The following FAM89B variants were observed in gnomAD, a reference collection of about 807,000 sequenced individuals.
FAM89B encodes leucine repeat adapter protein 25.
In FAM89B, 9 loss-of-function variants were observed where a neutral mutation model predicts 13.4. That is an observed-to-expected ratio of 0.67 (90% confidence interval 0.40 to 1.17). The LOEUF (loss-of-function observed/expected upper bound fraction) is 1.17, where lower values mean the gene tolerates loss of function less well. Ranked by LOEUF, FAM89B falls within the 50% of genes most tolerant of loss-of-function variation. FAM89B has a pLI of 0.01. For missense variants in FAM89B, 256 were observed against 256.1 expected, an observed-to-expected ratio of 1.00 and a Z score of 0.00; for synonymous variants, 138 against 121.2, an observed-to-expected ratio of 1.14 and a Z score of -0.91.
In FAM89B at chr11:65,573,938, C is replaced by A; in HGVS notation, c.*297C>A. 1 of 341,166 alleles carries A rather than the reference C, an allele frequency of 2.9e-6. No homozygotes were observed. Among genetic ancestry groups the A allele is most frequent in the Non-Finnish European group, 5.4e-6 (1 of 185,204 alleles). 21.1% of individuals were successfully genotyped at this position (341,166 alleles called of 1,614,324 possible). ...AGCCTTGCGGTGGGGCCCGAAGCAT[C>A]TTCCCTTCCGCTTGGCGTCTCTGGG... is the stretch of plus-strand genomic sequence containing the variant. On this transcript the variant is annotated 3_prime_UTR_variant, in exon 2 of 2. Coordinates refer to ENST00000530349, the MANE Select transcript of FAM89B (RefSeq NM_001098785.2).
chr11:65,573,793 ACT>A lies in FAM89B; in HGVS notation c.*155_*156del. On this transcript the variant is annotated 3_prime_UTR_variant, in exon 2 of 2. Coordinates refer to ENST00000530349, the MANE Select transcript of FAM89B (RefSeq NM_001098785.2). The stretch of plus-strand genomic sequence containing the variant: ...TATTCCTCAGAGGCGAAACTGCCAA[ACT>A]CTTTCTCCTGTCTTGGGTTGGCTGG... 2.1e-6 allele frequency: 2 copies of A among 946,674 alleles called. No homozygotes were observed. The highest frequency in any genetic ancestry group is 3.0e-6 in the Non-Finnish European group (2 of 656,396). The allele number at this position is 946,674 out of a possible 1,614,324, so 58.6% of individuals were successfully genotyped here. A position where few individuals can be genotyped will look rare whatever the true frequency, so the allele number is the denominator to read the frequency against.
At position 65,572,591 on chromosome 11, in the gene FAM89B, G is replaced by C; in HGVS notation, c.-79G>C. ...GGCTGGGCTCCGGCGGGGCCGCGGG[G>C]TGCGGGGCCTGCGGGCGGCGGCCCG... On this transcript the variant is annotated 5_prime_UTR_variant, in exon 1 of 2. Coordinates refer to ENST00000530349, the MANE Select transcript of FAM89B (RefSeq NM_001098785.2). 3.2e-6 allele frequency: 4 copies of C among 1,261,210 alleles called. No homozygotes were observed. Among genetic ancestry groups the C allele is most frequent in the Non-Finnish European group, 4.0e-6 (4 of 1,006,604 alleles). The allele number at this position is 1,261,210 out of a possible 1,614,324, so 78.1% of individuals were successfully genotyped here.
Position 65,573,790 on chromosome 11 carries a change from CAA to C in FAM89B, c.*151_*152del. Reference sequence around the variant, plus strand: ...ATGTATTCCTCAGAGGCGAAACTGCCAAACTCTTTCTCCTGTCTTGGGTTGGC... The same window carrying C: ...ATGTATTCCTCAGAGGCGAAACTGCCACTCTTTCTCCTGTCTTGGGTTGGC... On this transcript the variant is annotated 3_prime_UTR_variant, in exon 2 of 2. Transcript: ENST00000530349. 1.0e-6 allele frequency: 1 copy of C among 958,912 alleles called. No individual in the cohort carries two copies. The highest frequency in any genetic ancestry group is 2.7e-5 in the East Asian group (1 of 37,220). 59.4% of individuals were successfully genotyped at this position (958,912 alleles called of 1,614,324 possible).
Position 65,573,713 on chromosome 11 carries a change from T to G in FAM89B, c.*72T>G. ...CTCCCCCTCCGGCAAGCCCTCAGAC[T>G]TCGGAGCCTGCGCCTTCCCCCCTAC... On this transcript the variant is annotated 3_prime_UTR_variant, in exon 2 of 2. Coordinates refer to ENST00000530349, the MANE Select transcript of FAM89B (RefSeq NM_001098785.2). 6.6e-7 allele frequency: 1 copy of G among 1,504,934 alleles called. No individual in the cohort carries two copies. The highest frequency in any genetic ancestry group is 8.9e-7 in the Non-Finnish European group (1 of 1,126,268). 93.2% of individuals were successfully genotyped at this position (1,504,934 alleles called of 1,614,324 possible). A position where few individuals can be genotyped will look rare whatever the true frequency, so the allele number is the denominator to read the frequency against.
At position 65,573,584 on chromosome 11, in the gene FAM89B, C is replaced by T; in HGVS notation, c.513C>T (p.Pro171=). 1 of 1,613,134 alleles carries T rather than the reference C, an allele frequency of 6.2e-7. No individual in the cohort carries two copies. Among genetic ancestry groups the T allele is most frequent in the Non-Finnish European group, 8.5e-7 (1 of 1,179,974 alleles). ...LPPDPPPLTV[P]QTHNARDQWL... is the part of the protein sequence containing the mutation. Reference sequence around the variant, plus strand: ...CTGACCCGCCACCCCTTACTGTGCCCCAGACGCACAATGCCCGTGACCAGT... The same window carrying T: ...CTGACCCGCCACCCCTTACTGTGCCTCAGACGCACAATGCCCGTGACCAGT... The change falls in exon 2 of 2, where the codon CCC becomes CCT. Residue 171 remains proline, a synonymous_variant. Coordinates refer to ENST00000530349, the MANE Select transcript of FAM89B (RefSeq NM_001098785.2).
rs1857172883 is a variant in FAM89B, at chr11:65,573,689, T to TC, written c.*53dup. 5 of 1,528,244 alleles carry TC rather than the reference T, an allele frequency of 3.3e-6. No homozygotes were observed. Among genetic ancestry groups the TC allele is most frequent in the Non-Finnish European group, 4.4e-6 (5 of 1,140,526 alleles). 94.7% of individuals were successfully genotyped at this position (1,528,244 alleles called of 1,614,324 possible). A position where few individuals can be genotyped will look rare whatever the true frequency, so the allele number is the denominator to read the frequency against. ...GCACCCATGCAAAAGGCTCAGAAAC[T>TC]CCCCCTCCGGCAAGCCCTCAGACTT... On this transcript the variant is annotated 3_prime_UTR_variant, in exon 2 of 2. Coordinates refer to ENST00000530349, the MANE Select transcript of FAM89B (RefSeq NM_001098785.2).
rs1486023885 is a variant in FAM89B, at chr11:65,573,862, C to T, written c.*221C>T. 3.6e-6 allele frequency: 2 copies of T among 549,848 alleles called. No individual in the cohort carries two copies. The highest frequency in any genetic ancestry group is 6.3e-6 in the Non-Finnish European group (2 of 317,882). The allele number at this position is 549,848 out of a possible 1,614,324, so 34.1% of individuals were successfully genotyped here. ...TAGGGTACAGCCTCTGCTCATGGCA[C>T]TGGGCCTCCAGTTCTTCCACATGTG... On this transcript the variant is annotated 3_prime_UTR_variant, in exon 2 of 2. Coordinates refer to ENST00000530349, the MANE Select transcript of FAM89B (RefSeq NM_001098785.2).
Position 65,573,708 on chromosome 11 carries a change from C to T in FAM89B, c.*67C>T, listed in dbSNP as rs1290812945. Reference sequence around the variant, plus strand: ...AGAAACTCCCCCTCCGGCAAGCCCTCAGACTTCGGAGCCTGCGCCTTCCCC... The same window carrying T: ...AGAAACTCCCCCTCCGGCAAGCCCTTAGACTTCGGAGCCTGCGCCTTCCCC... On this transcript the variant is annotated 3_prime_UTR_variant, in exon 2 of 2. Transcript: ENST00000530349. 22 of 1,516,450 alleles carry T rather than the reference C, an allele frequency of 1.5e-5. No homozygotes were observed. The highest frequency in any genetic ancestry group is 1.8e-5 in the Non-Finnish European group (20 of 1,132,820). 93.9% of individuals were successfully genotyped at this position (1,516,450 alleles called of 1,614,324 possible).
intron 1 of FAM89B, 41 bp downstream of exon 1, chr11:65,573,001 C>T (rs1338872904): frequency 8.2e-7 from 1 of 1,223,114 alleles, no homozygotes; most frequent in Non-Finnish European, 1.0e-6. Flanking sequence ...GGGGGGCTGA[C>T]GCGGAGGAAC....
At position 65,572,937 on chromosome 11, in the gene FAM89B, C is replaced by T; in HGVS notation, c.268C>T (p.Leu90=). 14 of 1,222,016 alleles carry T rather than the reference C, an allele frequency of 1.1e-5. No homozygotes were observed. The highest frequency in any genetic ancestry group is 1.3e-5 in the Non-Finnish European group (13 of 982,500). The allele number at this position is 1,222,016 out of a possible 1,614,324, so 75.7% of individuals were successfully genotyped here. ...PRRPVNLDSA[L]AALRKEMVGL... is the part of the protein sequence containing the mutation. Reference sequence around the variant, plus strand: ...TCGTCCTGTCAACCTCGACTCAGCGCTGGCCGCGCTGCGCAAGGAGATGGT... The same window carrying T: ...TCGTCCTGTCAACCTCGACTCAGCGTTGGCCGCGCTGCGCAAGGAGATGGT... Residue 90 remains leucine (L), a synonymous_variant, in exon 1 of 2, where the codon CTG becomes TTG. Coordinates refer to ENST00000530349, the MANE Select transcript of FAM89B (RefSeq NM_001098785.2).
rs1001877977 is a variant in FAM89B, at chr11:65,573,746, C to G, written c.*105C>G. The G allele has an allele frequency of 1.5e-6, 2 of 1,344,922 alleles. No homozygotes were observed. The highest frequency in any genetic ancestry group is 1.5e-5 in the African/African-American group (1 of 68,534). The allele number at this position is 1,344,922 out of a possible 1,614,324, so 83.3% of individuals were successfully genotyped here. On this transcript the variant is annotated 3_prime_UTR_variant, in exon 2 of 2. Transcript: ENST00000530349. ...CTGCGCCTTCCCCCCTACCGCCTCA[C>G]CTCACAGGAGGGCCAGGCATGTATT...
In FAM89B at chr11:65,572,905, G is replaced by A. The variant is rs1857158705; in HGVS notation, c.236G>A (p.Gly79Asp). 8.2e-7 allele frequency: 1 copy of A among 1,216,680 alleles called. No homozygotes were observed. The highest frequency in any genetic ancestry group is 1.0e-6 in the Non-Finnish European group (1 of 981,004). 75.4% of individuals were successfully genotyped at this position (1,216,680 alleles called of 1,614,324 possible). A position where few individuals can be genotyped will look rare whatever the true frequency, so the allele number is the denominator to read the frequency against. ...AGAANAGPAA[G>D]PRRPVNLDSA... ...GCCGCCAACGCGGGACCCGCAGCCG[G>A]CCCGCGTCGTCCTGTCAACCTCGAC... is the stretch of plus-strand genomic sequence containing the variant. The change falls in exon 1 of 2, where the codon GGC becomes GAC. Residue 79 changes from glycine (G) to aspartate (D), a missense_variant. Physicochemically the swap from Gly to Asp is moderately conservative, Grantham distance 94. Coordinates refer to ENST00000530349, the MANE Select transcript of FAM89B (RefSeq NM_001098785.2).
At chr11:65,573,308 G>A (rs1319645070) in intron 1 of FAM89B, 55 bp from the exon 2 acceptor site, 1 of 1,476,918 alleles carries the variant, frequency 6.8e-7, no homozygotes, top group Non-Finnish European at 9.0e-7. Flanking sequence ...CAGGGGGCGG[G>A]GCTGGGCTGG....
intron 1 of FAM89B, 36 bp downstream of exon 1, chr11:65,572,996 G>C (rs1260387099): frequency 8.2e-7 from 1 of 1,225,842 alleles, no homozygotes; most frequent in Non-Finnish European, 1.0e-6. Flanking sequence ...TGGGCGGGGG[G>C]CTGACGCGGA....
chr11:65,573,747 C>T lies in FAM89B; in HGVS notation c.*106C>T. On this transcript the variant is annotated 3_prime_UTR_variant, in exon 2 of 2. Transcript: ENST00000530349. ...TGCGCCTTCCCCCCTACCGCCTCAC[C>T]TCACAGGAGGGCCAGGCATGTATTC... is the stretch of plus-strand genomic sequence containing the variant. 1 of 1,329,160 alleles carries T rather than the reference C, an allele frequency of 7.5e-7. No homozygotes were observed. The highest frequency in any genetic ancestry group is 1.0e-6 in the Non-Finnish European group (1 of 983,264). 82.3% of individuals were successfully genotyped at this position (1,329,160 alleles called of 1,614,324 possible).
chr11:65,573,124 C>T (rs1857162561), intron 1 of FAM89B, among the ~76,000 whole-genome samples, 164 bp downstream of exon 1: 1 of 152,212 alleles, frequency 6.6e-6, no homozygotes. Flanking sequence ...GCAGTAGTTA[C>T]CATATATTTT....
In FAM89B at chr11:65,574,102, A is replaced by G. The variant is rs1128566; in HGVS notation, c.*461A>G. On this transcript the variant is annotated 3_prime_UTR_variant, in exon 2 of 2. Transcript: ENST00000530349. ...CCAGGACCCGTCCCAATAACCACCC[A>G]CGGCCAGGAGGGCCAAGGCCCCGTG... The G allele has an allele frequency of 6.4e-6, 1 of 156,126 alleles. No homozygotes were observed. The highest frequency in any genetic ancestry group is 1.4e-5 in the Non-Finnish European group (1 of 70,478). 9.7% of individuals were successfully genotyped at this position (156,126 alleles called of 1,614,324 possible). A position where few individuals can be genotyped will look rare whatever the true frequency, so the allele number is the denominator to read the frequency against.
Position 65,573,650 on chromosome 11 carries a change from G to T in FAM89B, c.*9G>T. 6.3e-7 allele frequency: 1 copy of T among 1,593,068 alleles called. No homozygotes were observed. On this transcript the variant is annotated 3_prime_UTR_variant, in exon 2 of 2. Transcript: ENST00000530349. The stretch of plus-strand genomic sequence containing the variant: ...TCCACATCAGCCTCTGAAGGGCTGG[G>T]GGGCAGGGGGCATGCACCCATGCAA...
At position 65,573,641 on chromosome 11, in the gene FAM89B, A is replaced by T; in HGVS notation, c.570A>T (p.Ter190CysextTer66). 1.2e-6 allele frequency: 2 copies of T among 1,601,742 alleles called. No homozygotes were observed. The highest frequency in any genetic ancestry group is 1.7e-6 in the Non-Finnish European group (2 of 1,177,050). ...WLQDAFHISL[*>C] ...AGGATGCCTTCCACATCAGCCTCTG[A>T]AGGGCTGGGGGGCAGGGGGCATGCA... The change falls in exon 2 of 2, where the codon TGA becomes TGT. Residue 190 changes from the stop codon to cysteine (C), a stop_lost. Transcript: ENST00000530349.
Sources: allele counts gnomAD v4.1 joint callset (sites outside exome capture counted in the v4.1 genomes callset), GRCh38; gene constraint gnomAD v4.1.1; transcripts MANE v1.5; gene names NCBI Gene and HGNC (gene_info 2026-07-23, HGNC 2026-07-21).